The following KIF3C variants were observed in gnomAD, a reference collection of about 807,000 sequenced individuals.
The protein encoded by KIF3C is kinesin-like protein KIF3C.
In KIF3C, 12 loss-of-function variants were observed where a neutral mutation model predicts 67.7. The ratio of observed to expected loss-of-function variants is 0.18; its 90% CI spans 0.11 to 0.29. KIF3C has a LOEUF of 0.29. Among genes scored for constraint, KIF3C ranks in the 10% least tolerant of loss-of-function variants. The pLI is 1.00. For missense variants in KIF3C, 789 were observed against 1,059.6 expected, an observed-to-expected ratio of 0.74 and a Z score of 3.55; for synonymous variants, 393 against 426.2, an observed-to-expected ratio of 0.92 and a Z score of 0.96.
chr2:25,953,269 C>T (rs1218159777), intron 4 of KIF3C, among the ~76,000 whole-genome samples: 12 of 132,910 alleles, frequency 9.0e-5, no homozygotes. Context: ...ATTCCATCTC[C>T]AAAAAAAAAA....
chr2:25,972,908 CTCTT>C (rs946045523), intron 1 of KIF3C, among the ~76,000 whole-genome samples: 4 of 152,088 alleles, frequency 2.6e-5, no homozygotes, highest in African/African-American at 7.2e-5. Context: ...TATTATCTCT[CTCTT>C]TCTCTCTTCT....
intron 1 of KIF3C, among the ~76,000 whole-genome samples, chr2:25,959,410 C>T (rs1431137159): frequency 6.6e-6 from 1 of 152,116 alleles, no homozygotes. Context: ...GTGCTCAATA[C>T]GTATTTGATG....
At chr2:25,963,196 ATTTTTTTTTTT>A (rs1165957083) in intron 1 of KIF3C, among the ~76,000 whole-genome samples, 1 of 43,298 alleles carries the variant, frequency 2.3e-5, no homozygotes, top group Admixed American at 4.0e-4. Flanking sequence ...ATATATATAT[ATTTTTTTTTTT>A]TTTTTTTTTT....
intron 1 of KIF3C, among the ~76,000 whole-genome samples, chr2:25,979,795 G>A (rs1430545763): frequency 1.3e-5 from 2 of 152,112 alleles, no homozygotes. Context: ...CCACTTCATA[G>A]GATGGAACCT....
At chr2:25,962,933 ATATAATATATAATATATAAT>A (rs1664013012) in intron 1 of KIF3C, among the ~76,000 whole-genome samples, 1 of 34,154 alleles carries the variant, frequency 2.9e-5, no homozygotes, top group African/African-American at 2.4e-4. Flanking sequence ...TATATAATAC[ATATAATATATAATATATAAT>A]ATATAATATA....
chr2:25,971,603 C>T (rs1664285986), intron 1 of KIF3C, among the ~76,000 whole-genome samples: 1 of 152,106 alleles, frequency 6.6e-6, no homozygotes, highest in African/African-American at 2.4e-5. Context: ...TCTAGATATA[C>T]CAAACCACAA....
chr2:25,948,035 G>A (rs1223858628), intron 5 of KIF3C, among the ~76,000 whole-genome samples: 1 of 152,092 alleles, frequency 6.6e-6, no homozygotes, highest in Admixed American at 6.6e-5. Context: ...AACACCTGGT[G>A]GAAGAAAGCA....
chr2:25,957,453 T>C (rs180724616), intron 1 of KIF3C, among the ~76,000 whole-genome samples: 338 of 152,224 alleles, frequency 2.2e-3, no homozygotes, highest in African/African-American at 8.0e-3. Flanking sequence ...GGGTGCCCGA[T>C]TTGAAATTTT....
intron 1 of KIF3C, among the ~76,000 whole-genome samples, chr2:25,964,353 A>G (rs1245645860): frequency 6.6e-6 from 1 of 152,172 alleles, no homozygotes; most frequent in African/African-American, 2.4e-5. Flanking sequence ...TAGATATAAA[A>G]TCGAGCCTCT....
chr2:25,943,042 G>C (rs1663337511), intron 5 of KIF3C, among the ~76,000 whole-genome samples: 1 of 152,144 alleles, frequency 6.6e-6, no homozygotes, highest in South Asian at 2.1e-4. Flanking sequence ...CTCACTTCGA[G>C]CAGCTCTTAG....
At chr2:25,952,909 A>G (rs1389323951) in intron 4 of KIF3C, among the ~76,000 whole-genome samples, 1 of 152,052 alleles carries the variant, frequency 6.6e-6, no homozygotes. Context: ...TGAAGGATAA[A>G]TGTTTGAGGG....
At chr2:25,932,149 A>C (rs961892209) in intron 5 of KIF3C, among the ~76,000 whole-genome samples, 3 of 151,420 alleles carry the variant, frequency 2.0e-5, no homozygotes, top group African/African-American at 7.3e-5. Flanking sequence ...TTACAGGCGC[A>C]TGCCACCACA....
chr2:25,962,810 ATATATAT>A lies in KIF3C; in HGVS notation c.1546-6373_1546-6367del, dbSNP rs1375037368. Among the ~76,000 whole-genome samples, 3 of 80,630 alleles carry A rather than the reference ATATATAT, an allele frequency of 3.7e-5. 1 individual carries two copies. The highest frequency in any genetic ancestry group is 1.9e-4 in the African/African-American group (3 of 15,692). The allele number at this position is 80,630 out of a possible 152,430, so 52.9% of individuals were successfully genotyped here. The stretch of plus-strand genomic sequence containing the variant: ...TATAATATATATTATATAATATATA[ATATATAT>A]AATATATAAAATATATAAAATATAT... On this transcript the variant is annotated intron_variant, in intron 1 of 7. Coordinates refer to ENST00000264712, the MANE Select transcript of KIF3C (RefSeq NM_002254.8).
Position 25,981,436 on chromosome 2 carries a change from G to A in KIF3C, c.482C>T (p.Pro161Leu), listed in dbSNP as rs762225018. 1.6e-5 allele frequency: 26 copies of A among 1,613,996 alleles called. No homozygotes were observed. The highest frequency in any genetic ancestry group is 1.6e-4 in the East Asian group (7 of 44,896). ...EEIRDLLSKE[P>L]GKRLELKENP... ...CTCTTTCAGCTCTAGCCTCTTGCCC[G>A]GCTCCTTGGAGAGCAGGTCTCGAAT... The change falls in exon 1 of 8, where the codon CCG (proline) becomes CTG (leucine). Residue 161 changes from proline (P) to leucine (L), a missense_variant. This residue lies in a region of KIF3C where 141 missense variants were observed against 251.8 expected (regional missense o/e 0.56). Coordinates refer to ENST00000264712, the MANE Select transcript of KIF3C (RefSeq NM_002254.8). This position sits in a 1 kb window ranked among gnomAD's most constrained non-coding sequence, Gnocchi z 8.2.
At position 25,980,777 on chromosome 2, in the gene KIF3C, G is replaced by A. The variant is rs1194940771; in HGVS notation, c.1141C>T (p.Arg381Trp). Residue 381 changes from arginine to tryptophan, a missense_variant, in exon 1 of 8, where the codon CGG becomes TGG. Physicochemically the swap from Arg to Trp is moderately radical, Grantham distance 101. Coordinates refer to ENST00000264712, the MANE Select transcript of KIF3C (RefSeq NM_002254.8). The surrounding 1 kb of genome is among the most constrained non-coding windows in gnomAD (Gnocchi z 7.6). Reference sequence around the variant, plus strand: ...CGGGCAATCTCCTCTTGGAATTCCCGCAGCAGTGTGTCCTTGGGGTCCTCG... The same window carrying A: ...CGGGCAATCTCCTCTTGGAATTCCCACAGCAGTGTGTCCTTGGGGTCCTCG... ...VNEDPKDTLL[R>W]EFQEEIARLK... The A allele has an allele frequency of 8.1e-6, 13 of 1,614,052 alleles. No homozygotes were observed. The highest frequency in any genetic ancestry group is 1.7e-5 in the Admixed American group (1 of 59,992).
chr2:25,954,170 G>A lies in KIF3C; in HGVS notation c.1889+97C>T, dbSNP rs146997794. On this transcript the variant is annotated intron_variant, in intron 4 of 7. Coordinates refer to ENST00000264712, the MANE Select transcript of KIF3C (RefSeq NM_002254.8). The stretch of plus-strand genomic sequence containing the variant: ...CATTTTATTCCTAAAGGACTCATGG[G>A]AGAGGAGACAGTCAGGATGAGGCCT... 6.1e-4 allele frequency: 532 copies of A among 872,956 alleles called. 1 individual carries two copies. The highest frequency in any genetic ancestry group is 9.8e-4 in the Non-Finnish European group (501 of 512,914). 54.1% of individuals were successfully genotyped at this position (872,956 alleles called of 1,614,324 possible).
chr2:25,965,962 A>C (rs1425729063), intron 1 of KIF3C, among the ~76,000 whole-genome samples: 1 of 152,082 alleles, frequency 6.6e-6, no homozygotes, highest in Non-Finnish European at 1.5e-5. Flanking sequence ...ATAGTCTCTC[A>C]CTTGAGAGAT....
chr2:25,979,944 A>C (rs1664520099), intron 1 of KIF3C, among the ~76,000 whole-genome samples: 1 of 152,172 alleles, frequency 6.6e-6, no homozygotes, highest in African/African-American at 2.4e-5. Flanking sequence ...TGAAGCACTA[A>C]CCAAATGATA....
intron 4 of KIF3C, 40 bp from the exon 5 acceptor site, chr2:25,951,945 G>A (rs1663626647): frequency 1.5e-6 from 2 of 1,356,418 alleles, no homozygotes; most frequent in African/African-American, 2.9e-5. Flanking sequence ...AAATGGGTGA[G>A]CGAGAGACCA....
Sources: gnomAD v4.1 joint callset for allele counts (sites outside exome capture counted in the v4.1 genomes callset) on GRCh38, gnomAD v4.1.1 for gene constraint, gnomAD v4.1.1 regional missense constraint, Gnocchi (gnomAD v3.1) non-coding constraint, MANE v1.5 for transcripts, NCBI Gene and HGNC (gene_info 2026-07-23, HGNC 2026-07-21) for gene names.